CCNG1: variants seen among roughly 807,000 people sequenced by gnomAD.
The protein encoded by CCNG1 is cyclin-G1.
A neutral mutation model predicts 30.0 loss-of-function variants in CCNG1; 13 were observed. That is an observed-to-expected ratio of 0.43 (90% confidence interval 0.28 to 0.69). The LOEUF is 0.69. Ranked by LOEUF, CCNG1 falls within the 30% of genes least tolerant of loss-of-function variation. The pLI, the probability that CCNG1 is intolerant of heterozygous loss-of-function variation, is 0.16. For missense variants in CCNG1, 285 were observed against 331.4 expected, an observed-to-expected ratio of 0.86 and a Z score of 1.09; for synonymous variants, 110 against 121.5, an observed-to-expected ratio of 0.91 and a Z score of 0.62.
downstream of CCNG1, among the ~76,000 whole-genome samples, chr5:163,445,240 A>ATATT (rs1230927178): frequency 6.6e-6 from 1 of 152,178 alleles, no homozygotes; most frequent in Non-Finnish European, 1.5e-5. Flanking sequence ...TCTACTCAGT[A>ATATT]TATTTAAATT....
At chr5:163,441,450 G>T in intron 3 of CCNG1, 119 bp downstream of exon 3, 1 of 914,776 alleles carries the variant, frequency 1.1e-6, no homozygotes, top group Non-Finnish European at 1.6e-6. Flanking sequence ...TGACAGCTGT[G>T]GCTCCTTGAA....
At chr5:163,454,065 C>CAT in the CCNG1 span, 1 of 1,379,010 alleles carries the variant, frequency 7.3e-7, no homozygotes, top group South Asian at 1.5e-5. Context: ...AAGATACAAA[C>CAT]ATATATATAA....
downstream of CCNG1, chr5:163,446,243 T>G (rs758972367): frequency 6.6e-6 from 1 of 152,228 alleles, no homozygotes; most frequent in Non-Finnish European, 1.5e-5. Context: ...TTATGAGACA[T>G]CCTATCTAAA....
chr5:163,442,624 T>G, intron 6 of CCNG1, 56 bp downstream of exon 6: 1 of 1,345,390 alleles, frequency 7.4e-7, no homozygotes, highest in Non-Finnish European at 1.0e-6. Flanking sequence ...ATGCCATAAT[T>G]TTCAACTAAA....
At position 163,441,125 on chromosome 5, in the gene CCNG1, G is replaced by T; in HGVS notation, c.312G>T (p.Leu104Phe). ...LGCVGLSCFYLAVKSIEEERN... is the reference protein window; with the variant it reads ...LGCVGLSCFYFAVKSIEEERN... ...GTGTTGGACTGAGCTGCTTTTATTT[G>T]GCTGTAAAATCAATAGAAGAGGAAA... Residue 104 changes from leucine (L) to phenylalanine (F), a missense_variant, in exon 3 of 7, where the codon TTG becomes TTT. Leu to Phe is a conservative substitution (Grantham distance 22). Transcript: ENST00000340828. 6.2e-7 allele frequency: 1 copy of T among 1,613,874 alleles called. No individual in the cohort carries two copies.
At chr5:163,441,806 G>T in intron 3 of CCNG1, 80 bp from the exon 4 acceptor site, 1 of 814,144 alleles carries the variant, frequency 1.2e-6, no homozygotes, top group Non-Finnish European at 2.0e-6. Flanking sequence ...TTTAAAAATT[G>T]ACTTCAATGT....
rs757231054 is a variant in CCNG1 at position 163,439,306 on chromosome 5, TGAATGCCCTG to T, written c.51_60del (p.Asn18TrpfsTer14). ...GACTCTCAGAAACTGCTACACCAGC[TGAATGCCCTG>T]TTGGAACAGGAGTCTAGATGTCAGC... is the stretch of plus-strand genomic sequence containing the variant. On this transcript the variant is annotated frameshift_variant, in exon 2 of 7. Coordinates refer to ENST00000340828, the MANE Select transcript of CCNG1 (RefSeq NM_004060.4). LOFTEE classifies it high-confidence loss of function. 1 of 1,613,944 alleles carries T rather than the reference TGAATGCCCTG, an allele frequency of 6.2e-7. No homozygotes were observed. The highest frequency in any genetic ancestry group is 1.3e-5 in the African/African-American group (1 of 75,034).
In CCNG1 at chr5:163,439,472, A is replaced by G. The variant is rs1157227137; in HGVS notation, c.216A>G (p.Thr72=). 1 of 1,614,064 alleles carries G rather than the reference A, an allele frequency of 6.2e-7. No individual in the cohort carries two copies. The highest frequency in any genetic ancestry group is 8.5e-7 in the Non-Finnish European group (1 of 1,179,916). The change falls in exon 2 of 7, where the codon ACA becomes ACG. Residue 72 remains threonine (T), a synonymous_variant. Coordinates refer to ENST00000340828, the MANE Select transcript of CCNG1 (RefSeq NM_004060.4). ...LTQFFGFDTE[T]FSLAVNLLDR... is the part of the protein sequence containing the mutation. ...AGTTCTTTGGCTTTGACACAGAGAC[A>G]TTTTCTCTAGCTGTGAATTTACTGG...
Position 163,442,074 on chromosome 5 carries a change from A to G in CCNG1, c.627A>G (p.Ala209=). ...CTGTGTTGGCATTGTCTATCATTGC[A>G]TTAGAGATCCAAGCACAGAAGTGTG... ...KPSVLALSII[A]LEIQAQKCVE... is the part of the protein sequence containing the mutation. The change falls in exon 5 of 7, where the codon GCA becomes GCG. Residue 209 remains alanine (A), a synonymous_variant. Transcript: ENST00000340828. The G allele has an allele frequency of 6.2e-7, 1 of 1,612,690 alleles. No homozygotes were observed. The highest frequency in any genetic ancestry group is 2.2e-5 in the East Asian group (1 of 44,764).
At chr5:163,447,223 G>T, downstream of CCNG1, 1 of 152,810 alleles carries the variant, frequency 6.5e-6, no homozygotes, top group South Asian at 1.9e-4. Flanking sequence ...AAGCCAAGGT[G>T]GGAGGATTGC....
In CCNG1 at chr5:163,443,794, T is replaced by G; in HGVS notation, c.*124T>G. The G allele has an allele frequency of 2.7e-6, 3 of 1,122,680 alleles. No individual in the cohort carries two copies. Among genetic ancestry groups the G allele is most frequent in the Non-Finnish European group, 3.8e-6 (3 of 782,154 alleles). The allele number at this position is 1,122,680 out of a possible 1,614,324, so 69.5% of individuals were successfully genotyped here. A position where few individuals can be genotyped will look rare whatever the true frequency, so the allele number is the denominator to read the frequency against. The stretch of plus-strand genomic sequence containing the variant: ...TCAAAACATCACGAGATAAGCATGA[T>G]GGTCTCAGACTTGGGAAAACTGCCT... On this transcript the variant is annotated 3_prime_UTR_variant, in exon 7 of 7. Transcript: ENST00000340828.
Position 163,437,670 on chromosome 5 carries a change from TC to T in CCNG1, c.-130del, listed in dbSNP as rs1422420918. The T allele has an allele frequency of 1.3e-5, 2 of 151,430 alleles. No individual in the cohort carries two copies. Among genetic ancestry groups the T allele is most frequent in the Non-Finnish European group, 2.9e-5 (2 of 67,944 alleles). 9.4% of individuals were successfully genotyped at this position (151,430 alleles called of 1,614,324 possible). A position where few individuals can be genotyped will look rare whatever the true frequency, so the allele number is the denominator to read the frequency against. The stretch of plus-strand genomic sequence containing the variant: ...CTGCCGAGGCCTCCACCCAGGACAG[TC>T]CCCCTCCCCGGGCCTCTCTCCTCTT... On this transcript the variant is annotated 5_prime_UTR_variant, in exon 1 of 7. Transcript: ENST00000340828.
chr5:163,442,445 G>C lies in CCNG1; in HGVS notation c.768G>C (p.Lys256Asn). Residue 256 changes from lysine to asparagine, a missense_variant, in exon 6 of 7, where the codon AAG becomes AAC. Transcript: ENST00000340828. ...GTTTAACTGAATATTCATCAAATAA[G>C]TGTTCCAAACCAAATGTTCAGAAGT... ...SKCLTEYSSN[K>N]CSKPNVQKLK... 6.2e-7 allele frequency: 1 copy of C among 1,613,962 alleles called. No homozygotes were observed. Among genetic ancestry groups the C allele is most frequent in the Non-Finnish European group, 8.5e-7 (1 of 1,179,886 alleles).
chr5:163,450,465 TAA>T (rs1379199274), downstream of CCNG1: 5 of 152,186 alleles, frequency 3.3e-5, no homozygotes, highest in African/African-American at 1.2e-4. Flanking sequence ...CCAGAATATA[TAA>T]AGACTCTTAC....
intron 2 of CCNG1, among the ~76,000 whole-genome samples, chr5:163,440,324 C>G (rs1490339494): frequency 2.0e-5 from 3 of 152,180 alleles, no homozygotes; most frequent in Non-Finnish European, 4.4e-5. Flanking sequence ...GAATAATATA[C>G]AGCTATTCCT....
At chr5:163,457,497 C>A in the CCNG1 span, 1 of 977,110 alleles carries the variant, frequency 1.0e-6, no homozygotes, top group Non-Finnish European at 1.6e-6. Context: ...AGACCTAATA[C>A]AAAAGAGGAA....
Position 163,442,038 on chromosome 5 carries a change from CTT to C in CCNG1, c.598-4_598-3del, listed in dbSNP as rs762492123. 6.2e-7 allele frequency: 1 copy of C among 1,607,560 alleles called. No homozygotes were observed. The highest frequency in any genetic ancestry group is 1.1e-5 in the South Asian group (1 of 90,756). On this transcript the variant is annotated splice_region_variant and splice_polypyrimidine_tract_variant and intron_variant, in intron 4 of 6. Transcript: ENST00000340828. ...TTTGGCATTTACTTTAAATTTATCT[CTT>C]TTAGCCTTCTGTGTTGGCATTGTCT...
chr5:163,452,990 G>A, the CCNG1 span: 1 of 152,154 alleles, frequency 6.6e-6, no homozygotes, highest in Non-Finnish European at 1.5e-5. Context: ...GTGAAGATCT[G>A]AGGATTAGAG....
Position 163,441,882 on chromosome 5 carries a change from A to G in CCNG1, c.519-4A>G, listed in dbSNP as rs1293124308. ...ATAAAAGTAATACCATTTTCTTTTT[A>G]AAGGAGAAATAGCATTAATTTTGAA... is the stretch of plus-strand genomic sequence containing the variant. On this transcript the variant is annotated splice_polypyrimidine_tract_variant and splice_region_variant and intron_variant, in intron 3 of 6. Coordinates refer to ENST00000340828, the MANE Select transcript of CCNG1 (RefSeq NM_004060.4). 6.4e-7 allele frequency: 1 copy of G among 1,565,718 alleles called. No individual in the cohort carries two copies. Among genetic ancestry groups the G allele is most frequent in the South Asian group, 1.1e-5 (1 of 88,912 alleles).
Sources: gnomAD v4.1 joint callset for allele counts (sites outside exome capture counted in the v4.1 genomes callset) on GRCh38, gnomAD v4.1.1 for gene constraint, MANE v1.5 for transcripts, NCBI Gene and HGNC (gene_info 2026-07-23, HGNC 2026-07-21) for gene names.